SPTY2D1: variants seen among roughly 807,000 people sequenced by gnomAD.
The protein encoded by SPTY2D1 is protein SPT2 homolog.
SPTY2D1 carries 21 observed loss-of-function variants against 64.0 expected under a neutral mutation model. That is an observed-to-expected ratio of 0.33 (90% CI 0.23 to 0.47). The LOEUF (loss-of-function observed/expected upper bound fraction) is 0.47, where lower values mean the gene tolerates loss of function less well. SPTY2D1 is among the 20% of genes least tolerant of loss of function. The pLI, the probability that SPTY2D1 is intolerant of heterozygous loss-of-function variation, is 1.00. For missense variants in SPTY2D1, 724 were observed against 837.2 expected, an observed-to-expected ratio of 0.86 and a Z score of 1.67; for synonymous variants, 287 against 286.8, an observed-to-expected ratio of 1.00 and a Z score of -0.01.
In SPTY2D1 at chr11:18,607,262, C is replaced by T. The variant is rs967269506; in HGVS notation, c.*2599G>A. The T allele has an allele frequency of 1.3e-5, 2 of 153,046 alleles. No individual in the cohort carries two copies. The highest frequency in any genetic ancestry group is 1.3e-4 in the Admixed American group (2 of 15,284). 9.5% of individuals were successfully genotyped at this position (153,046 alleles called of 1,614,324 possible). On this transcript the variant is annotated 3_prime_UTR_variant, in exon 6 of 6. Transcript: ENST00000336349. ...CCTGGCCTCCAACTGGACACAACTG[C>T]ATTTATAGTTTAGCGAAAATACAAA...
rs576484875 is a variant in SPTY2D1, at chr11:18,612,284, CAT to C, written c.1886+28_1886+29del. The stretch of plus-strand genomic sequence containing the variant: ...ATTATTCAAAATAAAAAAAGGATGT[CAT>C]AGTTATCTGAATCTTCTTTAGTCTT... On this transcript the variant is annotated intron_variant, in intron 4 of 5. Transcript: ENST00000336349. This position sits in a 1 kb window ranked among gnomAD's most constrained non-coding sequence, Gnocchi z 4.6. 717 of 1,544,602 alleles carry C rather than the reference CAT, an allele frequency of 4.6e-4. 4 individuals carry two copies. In the African/African-American group the frequency reaches 9.0e-3, roughly 19 times the overall value.
In SPTY2D1 at chr11:18,615,316, A is replaced by C. The variant is rs751655693; in HGVS notation, c.958T>G (p.Ser320Ala). Residue 320 changes from serine to alanine, a missense_variant, in exon 3 of 6, where the codon TCT becomes GCT. Ser to Ala is a moderately conservative substitution (Grantham distance 99). Coordinates refer to ENST00000336349, the MANE Select transcript of SPTY2D1 (RefSeq NM_194285.3). ...NGAGKPHSST[S>A]SPSVPKTSAS... ...GAAGTCTTTGGGACACTTGGTGAAGAGGTGCTGGAATGAGGCTTTCCAGCT... is the reference window on the plus strand; with the variant it reads ...GAAGTCTTTGGGACACTTGGTGAAGCGGTGCTGGAATGAGGCTTTCCAGCT... 2 of 1,614,016 alleles carry C rather than the reference A, an allele frequency of 1.2e-6. No homozygotes were observed. The highest frequency in any genetic ancestry group is 3.3e-5 in the Admixed American group (2 of 60,002).
In SPTY2D1 at chr11:18,607,430, A is replaced by T. The variant is rs537830148; in HGVS notation, c.*2431T>A. On this transcript the variant is annotated 3_prime_UTR_variant, in exon 6 of 6. Coordinates refer to ENST00000336349, the MANE Select transcript of SPTY2D1 (RefSeq NM_194285.3). ...TTTGTTAGAGAATGCCACACCCATG[A>T]TCATGTAACATTATTACAATCATGA... The T allele has an allele frequency of 6.5e-6, 1 of 152,788 alleles. No homozygotes were observed. The highest frequency in any genetic ancestry group is 1.9e-4 in the East Asian group (1 of 5,186). 9.5% of individuals were successfully genotyped at this position (152,788 alleles called of 1,614,324 possible).
chr11:18,625,121 G>T (rs1854475414), intron 1 of SPTY2D1, among the ~76,000 whole-genome samples: 1 of 152,190 alleles, frequency 6.6e-6, no homozygotes, highest in African/African-American at 2.4e-5. Flanking sequence ...TAACTGGTTA[G>T]AATTAGGAGT....
intron 2 of SPTY2D1, 71 bp downstream of exon 2, chr11:18,616,804 A>G (rs2134111772): frequency 6.9e-7 from 1 of 1,444,376 alleles, no homozygotes; most frequent in South Asian, 1.2e-5. Context: ...ATAGACAGCC[A>G]CTGGTTTAGT....
intron 3 of SPTY2D1, 78 bp downstream of exon 3, chr11:18,614,485 G>T: frequency 7.2e-7 from 1 of 1,390,712 alleles, no homozygotes; most frequent in South Asian, 1.3e-5. Context: ...GGGGTTCAAA[G>T]GGTCCCTGAT....
At chr11:18,617,928 C>A (rs939630174) in intron 1 of SPTY2D1, among the ~76,000 whole-genome samples, 5 of 152,070 alleles carry the variant, frequency 3.3e-5, no homozygotes, top group Admixed American at 6.6e-5. Context: ...GACAACAGAG[C>A]AAAACTCCGT....
In SPTY2D1 at chr11:18,614,675, A is replaced by G. The variant is rs767302116; in HGVS notation, c.1599T>C (p.Pro533=). The change falls in exon 3 of 6, where the codon CCT becomes CCC. Residue 533 remains proline, a synonymous_variant. Transcript: ENST00000336349. ...TTGTTTCGGAGACAACAGTGCACTT[A>G]GGCTTTATAGTGGGACCTGAGCTAC... ...TVSSSGPTIK[P]KCTVVSETIS... 2 of 1,614,248 alleles carry G rather than the reference A, an allele frequency of 1.2e-6. No homozygotes were observed. The highest frequency in any genetic ancestry group is 1.7e-6 in the Non-Finnish European group (2 of 1,180,046).
intron 1 of SPTY2D1, among the ~76,000 whole-genome samples, chr11:18,617,478 T>C (rs922402177): frequency 1.3e-5 from 2 of 151,154 alleles, no homozygotes; most frequent in Non-Finnish European, 2.9e-5. Flanking sequence ...CACAAAAAAT[T>C]AGCTGGGCGT....
Position 18,615,040 on chromosome 11 carries a change from T to C in SPTY2D1, c.1234A>G (p.Ile412Val), listed in dbSNP as rs201954599. The stretch of plus-strand genomic sequence containing the variant: ...TTGGTTGGCTTCTTGGACCCACTGA[T>C]TGATCGCTCAGGTCCTGAGCTGGAG... ...GSSSSGPERS[I>V]SGSKKPTNDS... The change falls in exon 3 of 6, where the codon ATC becomes GTC. Residue 412 changes from isoleucine to valine, a missense_variant. By Grantham distance (29) the Ile-to-Val change is conservative. Transcript: ENST00000336349. 1.7e-4 allele frequency: 269 copies of C among 1,614,156 alleles called. No individual in the cohort carries two copies. The highest frequency in any genetic ancestry group is 2.0e-4 in the Non-Finnish European group (231 of 1,180,032).
intron 1 of SPTY2D1, among the ~76,000 whole-genome samples, chr11:18,625,278 G>A (rs545206950): frequency 6.6e-6 from 1 of 152,298 alleles, no homozygotes; most frequent in South Asian, 2.1e-4. Flanking sequence ...TGGCTAAGAG[G>A]ATAAAAATTA....
intron 1 of SPTY2D1, among the ~76,000 whole-genome samples, chr11:18,625,993 G>A (rs1201308779): frequency 6.6e-6 from 1 of 151,852 alleles, no homozygotes; most frequent in Non-Finnish European, 1.5e-5. Flanking sequence ...GTAATCTTTT[G>A]TATTTTTAGT....
Position 18,616,025 on chromosome 11 carries a change from T to C in SPTY2D1, c.249A>G (p.Arg83=), listed in dbSNP as rs749432812. 1.1e-5 allele frequency: 18 copies of C among 1,613,968 alleles called. 1 individual carries two copies. The highest frequency in any genetic ancestry group is 1.4e-5 in the Non-Finnish European group (16 of 1,179,994). The change falls in exon 3 of 6, where the codon AGA becomes AGG. Residue 83 remains arginine (R), a synonymous_variant. Transcript: ENST00000336349. The stretch of plus-strand genomic sequence containing the variant: ...TATCCTTTGTCCTCTTGGCCATAGC[T>C]CTTGCTTTCTTGTCATGTTTGAGCT... ...RIELKHDKKA[R]AMAKRTKDNF...
intron 5 of SPTY2D1, among the ~76,000 whole-genome samples, chr11:18,610,476 A>T (rs1461627756): frequency 6.6e-6 from 1 of 152,014 alleles, no homozygotes; most frequent in African/African-American, 2.4e-5. Flanking sequence ...AGCCTGGCCA[A>T]CATATGGTGA....
rs1192804402 is a variant in SPTY2D1, at chr11:18,607,545, T to C, written c.*2316A>G. The C allele has an allele frequency of 1.3e-5, 2 of 152,596 alleles. No homozygotes were observed. The highest frequency in any genetic ancestry group is 4.8e-5 in the African/African-American group (2 of 41,448). The allele number at this position is 152,596 out of a possible 1,614,324, so 9.5% of individuals were successfully genotyped here. A position where few individuals can be genotyped will look rare whatever the true frequency, so the allele number is the denominator to read the frequency against. On this transcript the variant is annotated 3_prime_UTR_variant, in exon 6 of 6. Transcript: ENST00000336349. ...ATCCAAAAATCAAAACAGTAGAGAATACATTAAAAATCAAGCATTTAATTT... is the reference window on the plus strand; with the variant it reads ...ATCCAAAAATCAAAACAGTAGAGAACACATTAAAAATCAAGCATTTAATTT...
chr11:18,610,692 CA>C (rs1854191288), intron 5 of SPTY2D1, among the ~76,000 whole-genome samples: 1 of 111,794 alleles, frequency 8.9e-6, no homozygotes, highest in East Asian at 2.9e-4. Flanking sequence ...AAAAAAACAA[CA>C]ATACTATAAA....
intron 1 of SPTY2D1, among the ~76,000 whole-genome samples, chr11:18,633,019 C>A (rs546961789): frequency 1.3e-5 from 2 of 152,156 alleles, no homozygotes; most frequent in Non-Finnish European, 2.9e-5. Context: ...AGGTTTGAGT[C>A]TATACCTTCA....
chr11:18,614,736 C>A lies in SPTY2D1; in HGVS notation c.1538G>T (p.Arg513Ile). The change falls in exon 3 of 6, where the codon AGA (arginine) becomes ATA (isoleucine). Residue 513 changes from arginine to isoleucine, a missense_variant. Around this residue, in one of 3 missense-constraint regions of SPTY2D1, gnomAD observed 426 missense variants for 431.8 expected, o/e 0.99. Transcript: ENST00000336349. ...GRTVSNSVPGRPVSSLGPGQT... is the reference protein window; with the variant it reads ...GRTVSNSVPGIPVSSLGPGQT... The stretch of plus-strand genomic sequence containing the variant: ...CCCAGGTCCCAAGCTGCTCACTGGT[C>A]TTCCTGGGACTGAATTACTGACAGT... The A allele has an allele frequency of 6.2e-7, 1 of 1,613,886 alleles. No individual in the cohort carries two copies. Among genetic ancestry groups the A allele is most frequent in the East Asian group, 2.2e-5 (1 of 44,870 alleles).
chr11:18,615,630 T>C lies in SPTY2D1; in HGVS notation c.644A>G (p.Lys215Arg), dbSNP rs142827215. The change falls in exon 3 of 6, where the codon AAA becomes AGA. Residue 215 changes from lysine (K) to arginine (R), a missense_variant. Coordinates refer to ENST00000336349, the MANE Select transcript of SPTY2D1 (RefSeq NM_194285.3). The part of the protein sequence containing the change: ...REFLERKHRR[K>R]KLETDGKLPP... ...TAGTTTTCCATCTGTCTCAAGTTTT[T>C]TTCTCCTATGCTTTCGTTCAAGGAA... 276 of 1,614,230 alleles carry C rather than the reference T, an allele frequency of 1.7e-4. No individual in the cohort carries two copies. Among genetic ancestry groups the C allele is most frequent in the Admixed American group, 1.4e-3 (82 of 60,022 alleles).
Sources: gnomAD v4.1 joint callset for allele counts (sites outside exome capture counted in the v4.1 genomes callset) on GRCh38, gnomAD v4.1.1 for gene constraint, gnomAD v4.1.1 regional missense constraint, Gnocchi (gnomAD v3.1) non-coding constraint, MANE v1.5 for transcripts, NCBI Gene and HGNC (gene_info 2026-07-23, HGNC 2026-07-21) for gene names.